NRP2: variants seen among roughly 807,000 people sequenced by gnomAD.
NRP2 encodes neuropilin 2.
In NRP2, 52 loss-of-function variants were observed where a neutral mutation model predicts 110.4. That is an observed-to-expected ratio of 0.47 (90% CI 0.38 to 0.59). The LOEUF is 0.59. Ranked by LOEUF, NRP2 falls within the 20% of genes least tolerant of loss-of-function variation. The pLI is 0.00. For synonymous variants in NRP2, 508 were observed against 468.9 expected, an observed-to-expected ratio of 1.08 and a Z score of -1.08; for missense variants, 1,049 against 1,203.0, an observed-to-expected ratio of 0.87 and a Z score of 1.89.
At position 205,745,819 on chromosome 2, in the gene NRP2, G is replaced by A. The variant is rs757643027; in HGVS notation, c.1715G>A (p.Arg572Gln). The change falls in exon 10 of 17, where the codon CGG (arginine) becomes CAG (glutamine). Residue 572 changes from arginine (R) to glutamine (Q), a missense_variant. Transcript: ENST00000357785. Reference protein sequence around the residue: ...RFDPIPAQYVRVYPERWSPAG... With the variant: ...RFDPIPAQYVQVYPERWSPAG... ...GACCCCATTCCGGCACAGTATGTGC[G>A]GGTATACCCGGAGAGGTGGTCGCCG... The A allele has an allele frequency of 9.3e-6, 15 of 1,614,016 alleles. 1 individual carries two copies. The highest frequency in any genetic ancestry group is 4.4e-5 in the South Asian group (4 of 91,082).
intron 2 of NRP2, among the ~76,000 whole-genome samples, chr2:205,709,613 T>G (rs1273856435): frequency 6.6e-6 from 1 of 152,242 alleles, no homozygotes; most frequent in African/African-American, 2.4e-5. Flanking sequence ...CTTCCCAGGT[T>G]ACACAACACC....
chr2:205,776,453 C>A, intron 15 of NRP2: 14 of 1,612,942 alleles, frequency 8.7e-6, no homozygotes, highest in Non-Finnish European at 1.2e-5. Context: ...TCCCACTACA[C>A]CAACGGGGCC....
intron 7 of NRP2, among the ~76,000 whole-genome samples, chr2:205,739,037 CTGTGT>C (rs2057394350): frequency 6.6e-6 from 1 of 152,148 alleles, no homozygotes; most frequent in Non-Finnish European, 1.5e-5. Flanking sequence ...GAAGAAAGGA[CTGTGT>C]TGTCAATTGG....
intron 15 of NRP2, chr2:205,776,057 G>A (rs187165364): frequency 6.7e-6 from 5 of 747,396 alleles, no homozygotes; most frequent in Admixed American, 1.8e-5. Context: ...TCCCAAGGGG[G>A]TAAGTAGGAA....
rs949211316 is a variant in NRP2 at position 205,776,703 on chromosome 2, G to A, written c.2425+9900G>A. On this transcript the variant is annotated intron_variant, in intron 15 of 16. Transcript: ENST00000357785. Reference sequence around the variant, plus strand: ...AACCATCCTCCTTGGGTTCATTTTGGTTTCTGGTTTTTCTTTTTCCTTTTT... The same window carrying A: ...AACCATCCTCCTTGGGTTCATTTTGATTTCTGGTTTTTCTTTTTCCTTTTT... 19 of 1,494,672 alleles carry A rather than the reference G, an allele frequency of 1.3e-5. No individual in the cohort carries two copies. The African/African-American group carries it at 2.7e-4, about 21-fold the overall frequency. 92.6% of individuals were successfully genotyped at this position (1,494,672 alleles called of 1,614,324 possible).
intron 15 of NRP2, among the ~76,000 whole-genome samples, chr2:205,784,179 T>A (rs1559367767): frequency 6.6e-6 from 1 of 152,200 alleles, no homozygotes; most frequent in Non-Finnish European, 1.5e-5. Context: ...GCAGCAGGAC[T>A]CATTAACAGG....
chr2:205,795,209 G>A lies in NRP2; in HGVS notation c.*151G>A, dbSNP rs7583980. 1.7e-5 allele frequency: 14 copies of A among 846,278 alleles called. No individual in the cohort carries two copies. Among genetic ancestry groups the A allele is most frequent in the African/African-American group, 8.4e-5 (5 of 59,488 alleles). 52.4% of individuals were successfully genotyped at this position (846,278 alleles called of 1,614,324 possible). A position where few individuals can be genotyped will look rare whatever the true frequency, so the allele number is the denominator to read the frequency against. On this transcript the variant is annotated 3_prime_UTR_variant, in exon 17 of 17. Transcript: ENST00000357785. Reference sequence around the variant, plus strand: ...TATGGACAGGACAGAAAAGCGAGTCGCAGGAGGAAGGGAGATGCAGCCGCA... The same window carrying A: ...TATGGACAGGACAGAAAAGCGAGTCACAGGAGGAAGGGAGATGCAGCCGCA...
chr2:205,708,666 A>G (rs2056736659), intron 2 of NRP2, among the ~76,000 whole-genome samples: 1 of 103,356 alleles, frequency 9.7e-6, no homozygotes, highest in Non-Finnish European at 2.4e-5. Context: ...TGTCGTTTCC[A>G]TTTTCTTGCC....
intron 2 of NRP2, among the ~76,000 whole-genome samples, chr2:205,702,862 G>A (rs1282839706): frequency 6.6e-6 from 1 of 152,132 alleles, no homozygotes; most frequent in Non-Finnish European, 1.5e-5. Flanking sequence ...CCTCCACAGT[G>A]TCCAGCTGCA....
In NRP2 at chr2:205,743,360, C is replaced by T. The variant is rs141076137; in HGVS notation, c.1449C>T (p.Pro483=). 5.2e-4 allele frequency: 846 copies of T among 1,614,220 alleles called. No individual in the cohort carries two copies. The African/African-American group carries it at 6.9e-3, about 13-fold the overall frequency. ...TCCCTCGAATCCCTCAGGCCCAGCC[C>T]GGTGAGGAGTGGCTTCAGGTAGATC... is the stretch of plus-strand genomic sequence containing the variant. ...GWFPRIPQAQ[P]GEEWLQVDLG... The change falls in exon 9 of 17, where the codon CCC becomes CCT. Residue 483 remains proline (P), a synonymous_variant. Transcript: ENST00000357785.
intron 1 of NRP2, among the ~76,000 whole-genome samples, chr2:205,693,598 T>A (rs1030538328): frequency 2.0e-5 from 3 of 152,212 alleles, no homozygotes; most frequent in African/African-American, 7.2e-5. Context: ...TTCTTTGAAT[T>A]ACAGTTTGTG....
At chr2:205,683,596 T>G (rs1291336417) in intron 1 of NRP2, among the ~76,000 whole-genome samples, 1 of 151,722 alleles carries the variant, frequency 6.6e-6, no homozygotes, top group Non-Finnish European at 1.5e-5. Flanking sequence ...GAGTGTGTTT[T>G]GAAACAGAAT....
chr2:205,717,804 A>G (rs2056930322), intron 3 of NRP2, among the ~76,000 whole-genome samples: 1 of 152,238 alleles, frequency 6.6e-6, no homozygotes, highest in Admixed American at 6.5e-5. Flanking sequence ...AGTGGGGAGA[A>G]TAAAAGAGAA....
chr2:205,700,675 A>G (rs775180972), intron 2 of NRP2: 1 of 518,534 alleles, frequency 1.9e-6, no homozygotes, highest in Admixed American at 1.9e-5. Context: ...CTTTTCCCCT[A>G]ACCGTTGCTT....
At chr2:205,713,632 A>C (rs914708617) in intron 2 of NRP2, among the ~76,000 whole-genome samples, 1 of 152,234 alleles carries the variant, frequency 6.6e-6, no homozygotes, top group Non-Finnish European at 1.5e-5. Context: ...CTTTTTAAAA[A>C]GTTAACAGTA....
chr2:205,704,277 G>T (rs573751475), intron 2 of NRP2, among the ~76,000 whole-genome samples: 1 of 152,212 alleles, frequency 6.6e-6, no homozygotes, highest in Non-Finnish European at 1.5e-5. Flanking sequence ...GCTGGTCTCC[G>T]TTGAAGTCTG....
intron 7 of NRP2, 116 bp downstream of exon 7, chr2:205,728,162 T>A (rs2057165889): frequency 1.6e-6 from 2 of 1,232,222 alleles, no homozygotes; most frequent in South Asian, 2.5e-5. Context: ...CAGGCTCAGA[T>A]AATTGATGGA....
Position 205,778,098 on chromosome 2 carries a change from C to T in NRP2, c.2425+11295C>T, listed in dbSNP as rs556579880. ...GATTCTCAGTGTATGAGGTCTCAGCCTCGGGAGCATTTATTTTTTACTTTC... is the reference window on the plus strand; with the variant it reads ...GATTCTCAGTGTATGAGGTCTCAGCTTCGGGAGCATTTATTTTTTACTTTC... On this transcript the variant is annotated intron_variant, in intron 15 of 16. Coordinates refer to ENST00000357785, the MANE Select transcript of NRP2 (RefSeq NM_003872.3). 10 of 152,248 alleles carry T rather than the reference C, an allele frequency of 6.6e-5. No individual in the cohort carries two copies. The East Asian group carries it at 1.7e-3, about 26-fold the overall frequency. The allele number at this position is 152,248 out of a possible 1,614,324, so 9.4% of individuals were successfully genotyped here.
In NRP2 at chr2:205,697,704, C is replaced by T. The variant is rs1435124991; in HGVS notation, c.234C>T (p.Ile78=). 1.7e-5 allele frequency: 28 copies of T among 1,613,870 alleles called. No individual in the cohort carries two copies. Among genetic ancestry groups the T allele is most frequent in the East Asian group, 4.5e-5 (2 of 44,882 alleles). ...IVLNFNPHFE[I]EKHDCKYDFI... is the part of the protein sequence containing the mutation. ...TCAACTTCAACCCTCACTTTGAAAT[C>T]GAGAAGCACGACTGCAAGTAAGCAC... The change falls in exon 2 of 17, where the codon ATC becomes ATT. Residue 78 remains isoleucine, a synonymous_variant. Transcript: ENST00000357785.
Sources: allele counts gnomAD v4.1 joint callset (sites outside exome capture counted in the v4.1 genomes callset), GRCh38; gene constraint gnomAD v4.1.1; transcripts MANE v1.5; gene names NCBI Gene and HGNC (gene_info 2026-07-23, HGNC 2026-07-21).